TMEM178A: variants seen among roughly 807,000 people sequenced by gnomAD.
The protein encoded by TMEM178A is transmembrane protein 178A.
Under a neutral mutation model 29.1 loss-of-function variants are expected in TMEM178A, and 12 were observed. The ratio of observed to expected loss-of-function variants is 0.41; its 90% CI spans 0.26 to 0.67. The LOEUF (loss-of-function observed/expected upper bound fraction) is 0.67, where lower values mean the gene tolerates loss of function less well. Among genes scored for constraint, TMEM178A ranks in the 30% least tolerant of loss-of-function variants. TMEM178A has a pLI of 0.29. For synonymous variants in TMEM178A, 210 were observed against 187.2 expected (o/e 1.12, Z -0.99); for missense variants, 366 against 419.1 (o/e 0.87, Z 1.11).
intron 1 of TMEM178A, among the ~76,000 whole-genome samples, chr2:39,668,917 C>T (rs908552543): frequency 1.3e-5 from 2 of 152,170 alleles, no homozygotes; most frequent in African/African-American, 4.8e-5. Flanking sequence ...CCATATTAGG[C>T]AAACATTATC....
intron 1 of TMEM178A, among the ~76,000 whole-genome samples, chr2:39,686,477 A>C (rs1233919096): frequency 1.3e-5 from 2 of 152,102 alleles, no homozygotes; most frequent in African/African-American, 4.8e-5. Context: ...TCTTATCAAC[A>C]TATTCCTTGT....
chr2:39,682,570 G>T (rs1344659299), intron 1 of TMEM178A, among the ~76,000 whole-genome samples: 6 of 152,102 alleles, frequency 3.9e-5, no homozygotes. Context: ...TGAAGTTGGG[G>T]CAAATAGTTC....
intron 1 of TMEM178A, among the ~76,000 whole-genome samples, chr2:39,702,957 C>T (rs1350476122): frequency 6.6e-6 from 1 of 152,162 alleles, no homozygotes. Flanking sequence ...ATCTGAGAAA[C>T]TCCTTAGGGA....
At chr2:39,724,244 C>G in the TMEM178A span, among the ~76,000 whole-genome samples, 1 of 151,376 alleles carries the variant, frequency 6.6e-6, no homozygotes, top group African/African-American at 2.4e-5. Flanking sequence ...GCATCCCTGA[C>G]GGCATTTTTT....
chr2:39,725,629 G>A, the TMEM178A span, among the ~76,000 whole-genome samples: 1 of 152,194 alleles, frequency 6.6e-6, no homozygotes, highest in Non-Finnish European at 1.5e-5. Flanking sequence ...GTCAGTGGGT[G>A]TGGAGGAAAT....
chr2:39,693,011 G>A (rs550771607), intron 1 of TMEM178A, among the ~76,000 whole-genome samples: 2 of 152,218 alleles, frequency 1.3e-5, no homozygotes, highest in Non-Finnish European at 1.5e-5. Flanking sequence ...TTCATCAGGA[G>A]GATGAGGCAG....
At position 39,673,114 on chromosome 2, in the gene TMEM178A, A is replaced by G. The variant is rs141965923; in HGVS notation, c.400+6740A>G. Among the ~76,000 whole-genome samples, 622 of 152,352 alleles carry G rather than the reference A, an allele frequency of 4.1e-3. 6 individuals carry two copies. The highest frequency in any genetic ancestry group is 0.014 in the African/African-American group (584 of 41,576). On this transcript the variant is annotated intron_variant, in intron 1 of 3. Transcript: ENST00000281961. Reference sequence around the variant, plus strand: ...GATTTTCAGATTATAATCACAGATTATTCATGCCAGCAAACCACGACCTCA... The same window carrying G: ...GATTTTCAGATTATAATCACAGATTGTTCATGCCAGCAAACCACGACCTCA...
At chr2:39,667,546 AAAAC>A (rs1670224092) in intron 1 of TMEM178A, among the ~76,000 whole-genome samples, 1 of 152,238 alleles carries the variant, frequency 6.6e-6, no homozygotes, top group African/African-American at 2.4e-5. Context: ...GCCATGTAGG[AAAAC>A]AAACAGACGG....
chr2:39,690,011 C>G (rs1187037736), intron 1 of TMEM178A, among the ~76,000 whole-genome samples: 9 of 152,198 alleles, frequency 5.9e-5, no homozygotes, highest in Non-Finnish European at 1.0e-4. Context: ...TAGTGACTAT[C>G]TGATTTCCAG....
chr2:39,706,001 G>C (rs1185883662), intron 2 of TMEM178A, among the ~76,000 whole-genome samples: 1 of 152,218 alleles, frequency 6.6e-6, no homozygotes, highest in African/African-American at 2.4e-5. Context: ...AATCCTTTGA[G>C]ATGGAGCTGC....
chr2:39,666,058 C>G lies in TMEM178A; in HGVS notation c.84C>G (p.Thr28=). 1 of 1,564,498 alleles carries G rather than the reference C, an allele frequency of 6.4e-7. No homozygotes were observed. The highest frequency in any genetic ancestry group is 8.6e-7 in the Non-Finnish European group (1 of 1,158,922). ...GGCTGCTCGTCACGGCCATCTTCAC[C>G]GACCACTGGTACGAGACCGACCCCC... ...SLGLLVTAIF[T]DHWYETDPRR... Residue 28 remains threonine (T), a synonymous_variant, in exon 1 of 4, where the codon ACC becomes ACG. Coordinates refer to ENST00000281961, the MANE Select transcript of TMEM178A (RefSeq NM_152390.3).
chr2:39,671,371 G>A (rs1218777451), intron 1 of TMEM178A, among the ~76,000 whole-genome samples: 1 of 152,206 alleles, frequency 6.6e-6, no homozygotes, highest in African/African-American at 2.4e-5. Context: ...TATAATTTGT[G>A]TTGGAATAAT....
intron 1 of TMEM178A, among the ~76,000 whole-genome samples, chr2:39,670,763 G>T (rs775126881): frequency 2.0e-5 from 3 of 152,140 alleles, no homozygotes; most frequent in Non-Finnish European, 2.9e-5. Context: ...GAACTTTGGA[G>T]AAATCAATTT....
intron 1 of TMEM178A, among the ~76,000 whole-genome samples, chr2:39,685,220 C>T (rs1260443556): frequency 6.6e-6 from 1 of 152,094 alleles, no homozygotes; most frequent in Non-Finnish European, 1.5e-5. Flanking sequence ...TCAGTGATGC[C>T]CCCTTACTCT....
the TMEM178A span, among the ~76,000 whole-genome samples, chr2:39,733,697 G>T: frequency 6.6e-6 from 1 of 152,118 alleles, no homozygotes; most frequent in South Asian, 2.1e-4. Flanking sequence ...TGCAAAATTG[G>T]ATGTTTGCAA....
intron 3 of TMEM178A, among the ~76,000 whole-genome samples, chr2:39,714,384 A>ATGC (rs1672444058): frequency 6.6e-6 from 1 of 151,438 alleles, no homozygotes; most frequent in Non-Finnish European, 1.5e-5. Flanking sequence ...CATAGAGATA[A>ATGC]CACTTAAATT....
chr2:39,706,977 G>C, intron 2 of TMEM178A, 72 bp from the exon 3 acceptor site: 1 of 1,530,272 alleles, frequency 6.5e-7, no homozygotes. Context: ...TGTATACAAA[G>C]CCCTAATTCT....
chr2:39,718,783 G>T (rs540773867), downstream of TMEM178A, among the ~76,000 whole-genome samples: 24 of 152,176 alleles, frequency 1.6e-4, no homozygotes, highest in Non-Finnish European at 3.4e-4. Flanking sequence ...TGGGGCACTC[G>T]CCGACTTCTA....
chr2:39,718,684 A>AT (rs572197695), downstream of TMEM178A, among the ~76,000 whole-genome samples: 685 of 150,626 alleles, frequency 4.5e-3, 3 homozygotes, highest in African/African-American at 0.016. Flanking sequence ...CATTTGCTTC[A>AT]TTTTTTTTTC....
Sources: gnomAD v4.1 joint callset for allele counts (sites outside exome capture counted in the v4.1 genomes callset) on GRCh38, gnomAD v4.1.1 for gene constraint, MANE v1.5 for transcripts, NCBI Gene and HGNC (gene_info 2026-07-23, HGNC 2026-07-21) for gene names.